SORCS2: variants seen among roughly 807,000 people sequenced by gnomAD.
SORCS2 encodes sortilin related VPS10 domain containing receptor 2, also known as VPS10 domain-containing receptor SorCS2.
SORCS2 carries 100 observed loss-of-function variants against 141.6 expected under a neutral mutation model. The ratio of observed to expected loss-of-function variants is 0.71; its 90% confidence interval spans 0.60 to 0.83. The LOEUF is 0.83. SORCS2 is among the 40% of genes least tolerant of loss of function. The probability of loss-of-function intolerance (pLI) is 0.00; values close to 1 mark genes in which losing one functional copy is unlikely to be tolerated. For missense variants in SORCS2, 1,646 were observed against 1,560.2 expected, an observed-to-expected ratio of 1.05 and a Z score of -0.93; for synonymous variants, 789 against 676.9, an observed-to-expected ratio of 1.17 and a Z score of -2.57.
intron 1 of SORCS2, among the ~76,000 whole-genome samples, chr4:7,380,839 A>C (rs1179134822): frequency 2.0e-5 from 3 of 152,222 alleles, no homozygotes; most frequent in Non-Finnish European, 4.4e-5. Flanking sequence ...TAATCCCAAC[A>C]CTTTGGGAGG....
At chr4:7,256,363 T>A (rs1713872087) in intron 1 of SORCS2, among the ~76,000 whole-genome samples, 1 of 152,166 alleles carries the variant, frequency 6.6e-6, no homozygotes, top group Non-Finnish European at 1.5e-5. Flanking sequence ...TGGTTTTAAA[T>A]GTTGACAACC....
intron 1 of SORCS2, among the ~76,000 whole-genome samples, chr4:7,372,129 C>A (rs1388708769): frequency 6.6e-6 from 1 of 152,090 alleles, no homozygotes; most frequent in African/African-American, 2.4e-5. Context: ...TGATATGGGT[C>A]AGTTGGCTTT....
chr4:7,234,374 C>CT (rs1037896736), intron 1 of SORCS2, among the ~76,000 whole-genome samples: 2 of 152,214 alleles, frequency 1.3e-5, no homozygotes, highest in Non-Finnish European at 2.9e-5. Flanking sequence ...CATTGCCATG[C>CT]TATTGGTCTT....
chr4:7,593,139 C>A (rs1717028124), intron 3 of SORCS2, among the ~76,000 whole-genome samples: 1 of 152,138 alleles, frequency 6.6e-6, no homozygotes, highest in South Asian at 2.1e-4. Flanking sequence ...TGCACTCCAG[C>A]CTGGACAACA....
chr4:7,607,944 C>G (rs554412691), intron 3 of SORCS2, among the ~76,000 whole-genome samples: 5 of 152,206 alleles, frequency 3.3e-5, no homozygotes, highest in Non-Finnish European at 7.4e-5. Flanking sequence ...GTTGCGGTTC[C>G]CCTGTGCTTT....
intron 5 of SORCS2, among the ~76,000 whole-genome samples, chr4:7,658,515 T>A (rs2108909380): frequency 6.6e-6 from 1 of 152,280 alleles, no homozygotes; most frequent in African/African-American, 2.4e-5. Context: ...CCAAGGAGCT[T>A]ACAAATGGTC....
At chr4:7,225,201 C>G (rs1178140253) in intron 1 of SORCS2, among the ~76,000 whole-genome samples, 1 of 152,148 alleles carries the variant, frequency 6.6e-6, no homozygotes, top group Non-Finnish European at 1.5e-5. Flanking sequence ...CAGGGGAGGT[C>G]TCAGGGAGCT....
intron 26 of SORCS2, 27 bp from the exon 27 acceptor site, chr4:7,740,173 G>T: frequency 6.3e-7 from 1 of 1,595,180 alleles, no homozygotes; most frequent in East Asian, 2.3e-5. Context: ...TTGTGCTCAC[G>T]GGACCTGCGT....
chr4:7,662,327 G>C (rs965200231), intron 6 of SORCS2, among the ~76,000 whole-genome samples: 68 of 150,948 alleles, frequency 4.5e-4, no homozygotes, highest in African/African-American at 1.4e-3. Context: ...GGGCAGTCCA[G>C]GTTTGCCTGG....
Position 7,354,272 on chromosome 4 carries a change from C to A in SORCS2, c.481-42016C>A, listed in dbSNP as rs528112203. On this transcript the variant is annotated intron_variant, in intron 1 of 26. Transcript: ENST00000507866. ...CAGGACACACTCACCTCAATGTGAG[C>A]TCTGACCTTGGACGTATCCCCCCAT... Among the ~76,000 whole-genome samples, 522 of 152,266 alleles carry A rather than the reference C, an allele frequency of 3.4e-3. 4 individuals carry two copies. The highest frequency in any genetic ancestry group is 0.012 in the African/African-American group (496 of 41,546).
At position 7,718,122 on chromosome 4, in the gene SORCS2, A is replaced by G. The variant is rs1224075560; in HGVS notation, c.2363A>G (p.Gln788Arg). ...TPPRGLQVSI[Q>R]GEAVAVRPGE... ...CCCCGGGGCCTGCAGGTCAGCATTC[A>G]AGGCGAGGCGGTGGCCGTGCGGCCT... The change falls in exon 18 of 27, where the codon CAA becomes CGA. Residue 788 changes from glutamine (Q) to arginine (R), a missense_variant. By Grantham distance (43) the Gln-to-Arg change is conservative. Transcript: ENST00000507866. The G allele has an allele frequency of 6.2e-7, 1 of 1,611,974 alleles. No homozygotes were observed. The highest frequency in any genetic ancestry group is 8.5e-7 in the Non-Finnish European group (1 of 1,179,296).
intron 2 of SORCS2, among the ~76,000 whole-genome samples, chr4:7,468,369 C>T (rs187919091): frequency 7.2e-5 from 11 of 152,346 alleles, no homozygotes; most frequent in Admixed American, 2.0e-4. Flanking sequence ...ATCCCCCTCA[C>T]GCTATGTCTC....
Position 7,682,843 on chromosome 4 carries a change from G to A in SORCS2, c.1442G>A (p.Arg481Lys). ...YNKGRDWDYL[R>K]PPSMDMNGKP... ...AAGGGCCGCGACTGGGATTACCTGA[G>A]GCCACCCAGCATGGACATGAATGGA... Residue 481 changes from arginine (R) to lysine (K), a missense_variant, in exon 10 of 27, where the codon AGG (arginine) becomes AAG (lysine). Coordinates refer to ENST00000507866, the MANE Select transcript of SORCS2 (RefSeq NM_020777.3). 6.2e-6 allele frequency: 10 copies of A among 1,613,382 alleles called. No homozygotes were observed. Among genetic ancestry groups the A allele is most frequent in the Non-Finnish European group, 5.9e-6 (7 of 1,179,660 alleles).
intron 3 of SORCS2, among the ~76,000 whole-genome samples, chr4:7,606,737 T>C (rs111425335): frequency 0.018 from 2,747 of 151,968 alleles, 42 homozygotes; most frequent in Middle Eastern, 0.034. Context: ...GTGACTGTAT[T>C]GGGAGTTATA....
intron 1 of SORCS2, among the ~76,000 whole-genome samples, chr4:7,308,334 C>G (rs1396997779): frequency 6.6e-6 from 1 of 152,154 alleles, no homozygotes; most frequent in African/African-American, 2.4e-5. Context: ...TGGCTGGCTA[C>G]CTTGGGCTTT....
intron 3 of SORCS2, among the ~76,000 whole-genome samples, chr4:7,559,653 G>A (rs940720624): frequency 1.3e-5 from 2 of 152,266 alleles, no homozygotes; most frequent in East Asian, 3.9e-4. Flanking sequence ...AGGGGGCCTG[G>A]GTCTGAGCCT....
intron 2 of SORCS2, among the ~76,000 whole-genome samples, chr4:7,493,411 C>T (rs1731423659): frequency 6.6e-6 from 1 of 152,148 alleles, no homozygotes; most frequent in Non-Finnish European, 1.5e-5. Context: ...ACAGCAGCTT[C>T]CCGAGGCCTG....
At chr4:7,715,102 C>T in intron 16 of SORCS2, 81 bp from the exon 17 acceptor site, 1 of 1,576,666 alleles carries the variant, frequency 6.3e-7, no homozygotes, top group East Asian at 2.3e-5. Flanking sequence ...CTTCTCAGCT[C>T]CCCCAGATTT....
chr4:7,201,976 C>A lies in SORCS2; in HGVS notation c.480+8850C>A, dbSNP rs1331592619. 6.6e-6 allele frequency among the ~76,000 whole-genome samples: 1 copy of A among 151,372 alleles called. No homozygotes were observed. Among genetic ancestry groups the A allele is most frequent in the Non-Finnish European group, 1.5e-5 (1 of 67,964 alleles). ...GTGTTCTGCATTGGTTCACATCCTG[C>A]TTTTTCTTGGAAAGCGCCGTCCTGG... On this transcript the variant is annotated intron_variant, in intron 1 of 26. Transcript: ENST00000507866. This position sits in a 1 kb window ranked among gnomAD's most constrained non-coding sequence, Gnocchi z 4.4.
Sources: allele counts gnomAD v4.1 joint callset (sites outside exome capture counted in the v4.1 genomes callset), GRCh38; gene constraint gnomAD v4.1.1; non-coding constraint Gnocchi (gnomAD v3.1); transcripts MANE v1.5; gene names NCBI Gene and HGNC (gene_info 2026-07-23, HGNC 2026-07-21).